PSTPIP2: variants seen among roughly 807,000 people sequenced by gnomAD.
PSTPIP2 encodes the protein proline-serine-threonine phosphatase-interacting protein 2.
Under a neutral mutation model 63.3 loss-of-function variants are expected in PSTPIP2, and 33 were observed. The ratio of observed to expected loss-of-function variants is 0.52; its 90% confidence interval spans 0.40 to 0.70. The LOEUF is 0.70. Ranked by LOEUF, PSTPIP2 falls within the 30% of genes least tolerant of loss-of-function variation. PSTPIP2 has a pLI of 0.00. For missense variants in PSTPIP2, 312 were observed against 400.7 expected, an observed-to-expected ratio of 0.78 and a Z score of 1.89; for synonymous variants, 125 against 132.7, an observed-to-expected ratio of 0.94 and a Z score of 0.40.
At position 46,068,173 on chromosome 18, in the gene PSTPIP2, G is replaced by A. The variant is rs769120568; in HGVS notation, c.33+3983C>T. Among the ~76,000 whole-genome samples, 80 of 152,206 alleles carry A rather than the reference G, an allele frequency of 5.3e-4. No homozygotes were observed. In the Middle Eastern group the frequency reaches 0.017, roughly 32 times the overall value. ...TACAGTGTAAACAACTATTTACATA[G>A]CATTAACATTATATTAGGTATTATA... On this transcript the variant is annotated intron_variant, in intron 1 of 14. Transcript: ENST00000409746.
chr18:45,991,843 C>A, intron 12 of PSTPIP2, 59 bp downstream of exon 12: 1 of 1,453,300 alleles, frequency 6.9e-7, no homozygotes. Flanking sequence ...TTAGAACATT[C>A]ATGATAACAA....
intron 12 of PSTPIP2, 85 bp from the exon 13 acceptor site, chr18:45,990,841 C>T (rs2051522089): frequency 8.5e-6 from 10 of 1,173,518 alleles, no homozygotes; most frequent in Admixed American, 6.3e-5. Context: ...GCCTATTGTA[C>T]TCTAATCAGA....
At chr18:46,025,333 C>T (rs1482473488) in intron 2 of PSTPIP2, among the ~76,000 whole-genome samples, 2 of 152,142 alleles carry the variant, frequency 1.3e-5, no homozygotes, top group East Asian at 1.9e-4. Flanking sequence ...AATATATCCT[C>T]ACGGTAAAAG....
intron 1 of PSTPIP2, among the ~76,000 whole-genome samples, chr18:46,041,958 G>A (rs1219791020): frequency 6.6e-6 from 1 of 152,104 alleles, no homozygotes; most frequent in African/African-American, 2.4e-5. Flanking sequence ...CTGGACACTG[G>A]AGAAGCAGAA....
intron 1 of PSTPIP2, 164 bp from the exon 2 acceptor site, chr18:46,040,211 C>G (rs909140754): frequency 8.1e-6 from 4 of 496,584 alleles, no homozygotes; most frequent in Admixed American, 7.6e-5. Flanking sequence ...TCTCCACCCC[C>G]ACCCTGGAGA....
At chr18:46,025,694 A>G (rs1222117087) in intron 2 of PSTPIP2, among the ~76,000 whole-genome samples, 3 of 151,940 alleles carry the variant, frequency 2.0e-5, no homozygotes, top group Admixed American at 6.6e-5. Flanking sequence ...AAAAAAAAAA[A>G]AAAGAAAGAA....
chr18:46,027,525 C>T (rs1907624254), intron 2 of PSTPIP2, among the ~76,000 whole-genome samples: 1 of 151,016 alleles, frequency 6.6e-6, no homozygotes, highest in Non-Finnish European at 1.5e-5. Context: ...CCTGTCTCTA[C>T]AAAAAAATAC....
At chr18:46,064,323 T>A (rs1415151016) in intron 1 of PSTPIP2, among the ~76,000 whole-genome samples, 1 of 139,960 alleles carries the variant, frequency 7.1e-6, no homozygotes, top group African/African-American at 2.7e-5. Flanking sequence ...CAGAGTCTCA[T>A]TCTGTTGCCC....
At chr18:46,065,144 C>CAAAAAAAAAAAAAAAA (rs35144990) in intron 1 of PSTPIP2, among the ~76,000 whole-genome samples, 4 of 80,786 alleles carry the variant, frequency 5.0e-5, no homozygotes, top group Non-Finnish European at 9.8e-5. Flanking sequence ...AACTCTGTCT[C>CAAAAAAAAAAAAAAAA]AAAAAAAAAA....
intron 4 of PSTPIP2, among the ~76,000 whole-genome samples, chr18:46,014,336 T>C (rs1309276987): frequency 5.3e-5 from 8 of 151,692 alleles, no homozygotes; most frequent in Admixed American, 5.3e-4. Context: ...GGATCATTTC[T>C]AGGACATAGC....
chr18:46,044,431 G>C (rs944165932), intron 1 of PSTPIP2, among the ~76,000 whole-genome samples: 2 of 152,126 alleles, frequency 1.3e-5, no homozygotes, highest in East Asian at 3.9e-4. Flanking sequence ...TTAATAAATG[G>C]TGCTGGGAAA....
intron 3 of PSTPIP2, among the ~76,000 whole-genome samples, chr18:46,022,039 G>A (rs1444315031): frequency 6.6e-6 from 1 of 151,746 alleles, no homozygotes; most frequent in East Asian, 1.9e-4. Context: ...TCTAGGTGAT[G>A]GGTATATAGC....
intron 1 of PSTPIP2, among the ~76,000 whole-genome samples, chr18:46,055,354 T>C (rs1242566392): frequency 2.0e-5 from 3 of 152,180 alleles, no homozygotes; most frequent in Non-Finnish European, 4.4e-5. Flanking sequence ...TTGTACTTTG[T>C]ATAGTCTCAC....
chr18:46,071,648 C>G (rs1374274237), intron 1 of PSTPIP2, among the ~76,000 whole-genome samples: 1 of 152,136 alleles, frequency 6.6e-6, no homozygotes, highest in East Asian at 1.9e-4. Context: ...AGGACGATCC[C>G]GGGGGGCAGC....
At chr18:45,992,068 T>C in intron 11 of PSTPIP2, 38 bp downstream of exon 11, 1 of 1,595,884 alleles carries the variant, frequency 6.3e-7, no homozygotes, top group Non-Finnish European at 8.6e-7. Flanking sequence ...CTAATAGAAT[T>C]GTGTAAATAA....
Position 46,072,224 on chromosome 18 carries a change from C to A in PSTPIP2, c.-36G>T. 6.5e-7 allele frequency: 1 copy of A among 1,530,252 alleles called. No individual in the cohort carries two copies. The highest frequency in any genetic ancestry group is 8.8e-7 in the Non-Finnish European group (1 of 1,138,654). 94.8% of individuals were successfully genotyped at this position (1,530,252 alleles called of 1,614,324 possible). A position where few individuals can be genotyped will look rare whatever the true frequency, so the allele number is the denominator to read the frequency against. ...GTGGGGGCGCGGAGGAGAGCCGGGCCGCAGGTAGCACAGAGCGGGGAGGCC... is the reference window on the plus strand; with the variant it reads ...GTGGGGGCGCGGAGGAGAGCCGGGCAGCAGGTAGCACAGAGCGGGGAGGCC... On this transcript the variant is annotated 5_prime_UTR_variant, in exon 1 of 15. Coordinates refer to ENST00000409746, the MANE Select transcript of PSTPIP2 (RefSeq NM_024430.4).
At chr18:46,035,082 CA>C (rs1482603485) in intron 2 of PSTPIP2, among the ~76,000 whole-genome samples, 1 of 152,038 alleles carries the variant, frequency 6.6e-6, no homozygotes, top group Admixed American at 6.6e-5. Context: ...AATTGTTAAC[CA>C]GCTGAAAGAC....
At chr18:46,038,628 C>T (rs1260755544) in intron 2 of PSTPIP2, among the ~76,000 whole-genome samples, 8 of 152,218 alleles carry the variant, frequency 5.3e-5, no homozygotes, top group Admixed American at 6.5e-5. Flanking sequence ...CACTTTTTAA[C>T]TGGGTGTCAA....
intron 10 of PSTPIP2, among the ~76,000 whole-genome samples, chr18:45,992,879 C>A (rs1476423914): frequency 1.3e-5 from 2 of 151,974 alleles, no homozygotes; most frequent in African/African-American, 2.4e-5. Flanking sequence ...CATGCCACCA[C>A]GTCTGGCTAA....
Sources: gnomAD v4.1 joint callset for allele counts (sites outside exome capture counted in the v4.1 genomes callset) on GRCh38, gnomAD v4.1.1 for gene constraint, MANE v1.5 for transcripts, NCBI Gene and HGNC (gene_info 2026-07-23, HGNC 2026-07-21) for gene names.